Variants in AGBL2 observed in about 807,000 individuals in gnomAD.
The protein encoded by AGBL2 is cytosolic carboxypeptidase 2.
AGBL2 carries 87 observed loss-of-function variants against 103.0 expected under a neutral mutation model. The observed-to-expected ratio is 0.84, with a 90% CI of 0.71 to 1.01. The LOEUF is 1.01. Among genes scored for constraint, AGBL2 ranks in the 50% least tolerant of loss-of-function variants. The pLI, the probability that AGBL2 is intolerant of heterozygous loss-of-function variation, is 0.00. For synonymous variants in AGBL2, 335 were observed against 356.7 expected, an observed-to-expected ratio of 0.94 and a Z score of 0.69; for missense variants, 904 against 1,023.5, an observed-to-expected ratio of 0.88 and a Z score of 1.59.
chr11:47,709,187 G>GA (rs2097529979), intron 4 of AGBL2, among the ~76,000 whole-genome samples: 1 of 152,120 alleles, frequency 6.6e-6, no homozygotes, highest in Non-Finnish European at 1.5e-5. Flanking sequence ...AAGGTTTTAA[G>GA]TAAAAAAGGG....
chr11:47,701,844 C>T (rs948840723), intron 7 of AGBL2, among the ~76,000 whole-genome samples: 9 of 151,812 alleles, frequency 5.9e-5, no homozygotes, highest in African/African-American at 1.7e-4. Context: ...TGTGGTGGCA[C>T]GTGCCTGTAA....
chr11:47,708,042 G>C (rs2153805440), intron 4 of AGBL2, among the ~76,000 whole-genome samples: 1 of 151,860 alleles, frequency 6.6e-6, no homozygotes, highest in South Asian at 2.1e-4. Flanking sequence ...TGAGACTACA[G>C]CCATTTGCCA....
chr11:47,678,493 C>T, intron 13 of AGBL2, among the ~76,000 whole-genome samples: 1 of 150,174 alleles, frequency 6.7e-6, no homozygotes, highest in African/African-American at 2.4e-5. Flanking sequence ...GCCACCACGC[C>T]TGGCTAAATT....
chr11:47,689,302 ATTTTT>A (rs397741033), intron 10 of AGBL2, among the ~76,000 whole-genome samples: 4 of 126,218 alleles, frequency 3.2e-5, no homozygotes, highest in Non-Finnish European at 4.9e-5. Flanking sequence ...CCACTTCTCA[ATTTTT>A]TTTTTTTTTT....
chr11:47,661,291 G>A (rs1260660736), intron 18 of AGBL2, among the ~76,000 whole-genome samples: 1 of 152,148 alleles, frequency 6.6e-6, no homozygotes, highest in Non-Finnish European at 1.5e-5. Context: ...TCAGTTCTGG[G>A]ATATGGTTTT....
intron 15 of AGBL2, among the ~76,000 whole-genome samples, chr11:47,668,054 C>T (rs997545185): frequency 6.6e-6 from 1 of 151,968 alleles, no homozygotes; most frequent in African/African-American, 2.4e-5. Context: ...ACTAAAAATA[C>T]TAAAATTAGC....
rs767859236 is a variant in AGBL2 at position 47,690,830 on chromosome 11, G to A, written c.877C>T (p.Arg293Ter). 11 of 1,611,760 alleles carry A rather than the reference G, an allele frequency of 6.8e-6. No homozygotes were observed. The highest frequency in any genetic ancestry group is 2.7e-5 in the African/African-American group (2 of 74,790). Reference sequence around the variant, plus strand: ...TGTTTGTTAGTGTAGAGGTCAGTTCGCAAGGTGAGTTCATACTCATAGGTG... The same window carrying A: ...TGTTTGTTAGTGTAGAGGTCAGTTCACAAGGTGAGTTCATACTCATAGGTG... ...VDTYEYELTL[R>*]TDLYTNKHTQ... Residue 293 changes from arginine to a stop codon, truncating the protein, a stop_gained, in exon 10 of 19, where the codon CGA (arginine) becomes TGA (stop). Transcript: ENST00000525123. LOFTEE classifies it high-confidence loss of function.
At chr11:47,696,581 T>C (rs1437463897) in intron 8 of AGBL2, among the ~76,000 whole-genome samples, 2 of 152,214 alleles carry the variant, frequency 1.3e-5, no homozygotes, top group East Asian at 3.9e-4. Context: ...GGGTTTTCTT[T>C]GTGGAAAGAT....
Position 47,659,777 on chromosome 11 carries a change from T to G in AGBL2, c.*396A>C. 6.4e-6 allele frequency: 1 copy of G among 156,962 alleles called. No homozygotes were observed. The highest frequency in any genetic ancestry group is 1.9e-4 in the East Asian group (1 of 5,344). 9.7% of individuals were successfully genotyped at this position (156,962 alleles called of 1,614,324 possible). On this transcript the variant is annotated 3_prime_UTR_variant, in exon 19 of 19. Coordinates refer to ENST00000525123, the MANE Select transcript of AGBL2 (RefSeq NM_024783.4). Reference sequence around the variant, plus strand: ...ACTAGAAAGCTTTGACACAACACTTTTTTTTATTATAGCACACTGCCAAAA... The same window carrying G: ...ACTAGAAAGCTTTGACACAACACTTGTTTTTATTATAGCACACTGCCAAAA...
At chr11:47,673,954 T>C (rs2097365770) in intron 14 of AGBL2, among the ~76,000 whole-genome samples, 1 of 150,938 alleles carries the variant, frequency 6.6e-6, no homozygotes, top group South Asian at 2.1e-4. Context: ...TAGCCAGCCG[T>C]GGTGGTGGGC....
chr11:47,710,235 G>C lies in AGBL2; in HGVS notation c.232+142C>G, dbSNP rs1242299956. 1.1e-5 allele frequency: 11 copies of C among 969,516 alleles called. No homozygotes were observed. The African/African-American group carries it at 1.5e-4, about 13-fold the overall frequency. 60.1% of individuals were successfully genotyped at this position (969,516 alleles called of 1,614,324 possible). A position where few individuals can be genotyped will look rare whatever the true frequency, so the allele number is the denominator to read the frequency against. ...AAACCTGTAATCCAAAGTAGATTTAGAGAGAAGTTTTGAATGGTGTTAGAA... is the reference window on the plus strand; with the variant it reads ...AAACCTGTAATCCAAAGTAGATTTACAGAGAAGTTTTGAATGGTGTTAGAA... On this transcript the variant is annotated intron_variant, in intron 4 of 18. Coordinates refer to ENST00000525123, the MANE Select transcript of AGBL2 (RefSeq NM_024783.4).
At position 47,670,193 on chromosome 11, in the gene AGBL2, G is replaced by A. The variant is rs1433253245; in HGVS notation, c.2148-1286C>T. ...GGATCTTTCTCATTTATTCCTCTTT[G>A]GCTGGTACCAATTCAGAAATCCAGG... On this transcript the variant is annotated intron_variant, in intron 14 of 18. Transcript: ENST00000525123. Among the ~76,000 whole-genome samples, 7 of 152,332 alleles carry A rather than the reference G, an allele frequency of 4.6e-5. No individual in the cohort carries two copies. The East Asian group carries it at 5.8e-4, about 13-fold the overall frequency.
intron 8 of AGBL2, among the ~76,000 whole-genome samples, chr11:47,696,138 G>A (rs1418163255): frequency 1.4e-5 from 2 of 140,830 alleles, no homozygotes; most frequent in Non-Finnish European, 3.0e-5. Context: ...GGAGGTTGCA[G>A]TGCCATGCAC....
intron 7 of AGBL2, among the ~76,000 whole-genome samples, chr11:47,701,425 G>T (rs1373414583): frequency 5.4e-5 from 8 of 146,982 alleles, no homozygotes; most frequent in Non-Finnish European, 9.0e-5. Flanking sequence ...AGCCGAGATT[G>T]TGCCATTGCA....
At chr11:47,709,149 T>C (rs1203392573) in intron 4 of AGBL2, among the ~76,000 whole-genome samples, 4 of 152,128 alleles carry the variant, frequency 2.6e-5, no homozygotes, top group Non-Finnish European at 5.9e-5. Context: ...ATATTGTATT[T>C]TACGGTTTTC....
In AGBL2 at chr11:47,705,897, C is replaced by T; in HGVS notation, c.253G>A (p.Ala85Thr). The T allele has an allele frequency of 1.9e-6, 3 of 1,614,012 alleles. No homozygotes were observed. The highest frequency in any genetic ancestry group is 1.7e-6 in the Non-Finnish European group (2 of 1,180,004). The change falls in exon 5 of 19, where the codon GCT (alanine) becomes ACT (threonine). Residue 85 changes from alanine (A) to threonine (T), a missense_variant. By Grantham distance (58) the Ala-to-Thr change is moderately conservative. Coordinates refer to ENST00000525123, the MANE Select transcript of AGBL2 (RefSeq NM_024783.4). ...ATGGCTTCTATCTGTCTGTGCACAG[C>T]TGAAGATAAACTGATAGGCCCTAGA... Reference protein sequence around the residue: ...KLLWPISLSSAVHRQIEAINR... With the variant: ...KLLWPISLSSTVHRQIEAINR...
At chr11:47,704,804 A>G (rs550222465) in intron 6 of AGBL2, 76 bp from the exon 7 acceptor site, 6 of 1,141,888 alleles carry the variant, frequency 5.3e-6, no homozygotes, top group Non-Finnish European at 7.6e-6. Flanking sequence ...TATAACAATG[A>G]AACTATTTTA....
At chr11:47,685,805 C>A in intron 11 of AGBL2, 88 bp downstream of exon 11, 13 of 1,342,702 alleles carry the variant, frequency 9.7e-6, no homozygotes, top group Non-Finnish European at 1.3e-5. Context: ...AAAAGAGATA[C>A]AAAATGCCAA....
intron 8 of AGBL2, among the ~76,000 whole-genome samples, chr11:47,695,875 A>G (rs887693625): frequency 2.6e-5 from 4 of 151,664 alleles, no homozygotes; most frequent in African/African-American, 7.3e-5. Context: ...ACAGAATTCA[A>G]ACAAACCAGC....
Sources: allele counts gnomAD v4.1 joint callset (sites outside exome capture counted in the v4.1 genomes callset), GRCh38; gene constraint gnomAD v4.1.1; transcripts MANE v1.5; gene names NCBI Gene and HGNC (gene_info 2026-07-23, HGNC 2026-07-21).